EML6: variants seen among roughly 807,000 people sequenced by gnomAD.
The protein encoded by EML6 is EMAP like 6.
In EML6, 154 loss-of-function variants were observed where a neutral mutation model predicts 240.1. The ratio of observed to expected loss-of-function variants is 0.64; its 90% CI spans 0.56 to 0.73. The LOEUF (loss-of-function observed/expected upper bound fraction) is 0.73, where lower values mean the gene tolerates loss of function less well. Among genes scored for constraint, EML6 ranks in the 30% least tolerant of loss-of-function variants. The pLI, the probability that EML6 is intolerant of heterozygous loss-of-function variation, is 0.00. For missense variants in EML6, 2,964 were observed against 2,474.6 expected (o/e 1.20, Z -4.20); for synonymous variants, 1,148 against 899.0 (o/e 1.28, Z -4.95).
chr2:54,894,031 T>C (rs562642844), intron 19 of EML6, among the ~76,000 whole-genome samples: 2 of 152,292 alleles, frequency 1.3e-5, no homozygotes, highest in South Asian at 2.1e-4. Context: ...CAATATAATA[T>C]ATTGCATTTT....
intron 16 of EML6, among the ~76,000 whole-genome samples, chr2:54,876,878 T>C (rs776731100): frequency 3.3e-5 from 5 of 152,174 alleles, no homozygotes; most frequent in East Asian, 1.9e-4. Context: ...TTTTGAAATA[T>C]ACACTACATT....
chr2:54,819,680 G>C (rs1019113387), intron 4 of EML6, among the ~76,000 whole-genome samples: 2 of 151,126 alleles, frequency 1.3e-5, no homozygotes, highest in African/African-American at 4.9e-5. Flanking sequence ...GGAGGCTGAG[G>C]CAGGAGAATT....
intron 7 of EML6, among the ~76,000 whole-genome samples, chr2:54,840,667 C>CA (rs1402744917): frequency 6.6e-6 from 1 of 152,144 alleles, no homozygotes; most frequent in African/African-American, 2.4e-5. Flanking sequence ...TCCAAGGACT[C>CA]AAATATTTGA....
intron 2 of EML6, among the ~76,000 whole-genome samples, chr2:54,785,584 A>T (rs114677565): frequency 0.036 from 5,500 of 152,276 alleles, 138 homozygotes; most frequent in Admixed American, 0.08. Context: ...TGCAGTTATG[A>T]TTTAATACTG....
At chr2:54,777,928 A>G (rs961667870) in intron 2 of EML6, among the ~76,000 whole-genome samples, 10 of 152,262 alleles carry the variant, frequency 6.6e-5, no homozygotes, top group African/African-American at 2.4e-4. Context: ...GAATATTTAC[A>G]TATGAAAAAA....
chr2:54,735,214 C>T (rs1163739410), intron 2 of EML6, among the ~76,000 whole-genome samples: 5 of 152,252 alleles, frequency 3.3e-5, no homozygotes, highest in Admixed American at 2.6e-4. Context: ...CTACCATGCA[C>T]GTTCCTCCCT....
intron 25 of EML6, among the ~76,000 whole-genome samples, chr2:54,914,230 A>G (rs886198376): frequency 8.5e-5 from 13 of 152,200 alleles, no homozygotes; most frequent in African/African-American, 2.4e-4. Context: ...GGTTTTACAG[A>G]TAAGGAAACT....
At chr2:54,965,302 C>G (rs1330058882) in intron 38 of EML6, among the ~76,000 whole-genome samples, 1 of 152,190 alleles carries the variant, frequency 6.6e-6, no homozygotes, top group African/African-American at 2.4e-5. Context: ...GCTGGATATT[C>G]ACTGTAAAAG....
chr2:54,950,507 A>G (rs1573203922), intron 29 of EML6, 143 bp from the exon 30 acceptor site: 2 of 890,904 alleles, frequency 2.2e-6, no homozygotes, highest in East Asian at 5.9e-5. Context: ...GTCAAGAAGC[A>G]AAATGTTTTC....
At chr2:54,906,637 G>A (rs1013017781) in intron 24 of EML6, among the ~76,000 whole-genome samples, 3 of 152,180 alleles carry the variant, frequency 2.0e-5, no homozygotes, top group African/African-American at 7.2e-5. Context: ...AGTGCTTTCT[G>A]TGGATTGAGA....
chr2:54,751,626 C>T (rs922795487), intron 2 of EML6, among the ~76,000 whole-genome samples: 1 of 152,144 alleles, frequency 6.6e-6, no homozygotes, highest in Admixed American at 6.5e-5. Context: ...AAACTTTAGA[C>T]AGATTTTTAA....
chr2:54,938,400 G>A (rs7590265), intron 28 of EML6, among the ~76,000 whole-genome samples: 48,578 of 151,988 alleles, frequency 0.32, 8,097 homozygotes, highest in Non-Finnish European at 0.34. Flanking sequence ...ATTTTTAGGC[G>A]GCACTGTTAG....
chr2:54,894,944 C>T lies in EML6; in HGVS notation c.2772C>T (p.Ile924=), dbSNP rs550151187. ...TTGTAACAGGTGGAAAGGACGGCATCGTGGAGCTCTGGGATGATATGTTTG... is the reference window on the plus strand; with the variant it reads ...TTGTAACAGGTGGAAAGGACGGCATTGTGGAGCTCTGGGATGATATGTTTG... ...KGFVTGGKDG[I]VELWDDMFER... is the part of the protein sequence containing the mutation. The change falls in exon 20 of 42, where the codon ATC becomes ATT. Residue 924 remains isoleucine (I), a synonymous_variant. Coordinates refer to ENST00000356458, the MANE Select transcript of EML6 (RefSeq NM_001039753.4). 4.9e-5 allele frequency: 76 copies of T among 1,551,100 alleles called. No homozygotes were observed. The highest frequency in any genetic ancestry group is 1.7e-4 in the Middle Eastern group (1 of 6,014).
intron 5 of EML6, among the ~76,000 whole-genome samples, chr2:54,822,573 G>A (rs1338224906): frequency 2.0e-5 from 3 of 152,160 alleles, no homozygotes; most frequent in African/African-American, 4.8e-5. Flanking sequence ...ACAATCATAA[G>A]TTATGTTTTA....
At position 54,774,025 on chromosome 2, in the gene EML6, C is replaced by T. The variant is rs1471532679; in HGVS notation, c.198-39207C>T. 1.3e-5 allele frequency among the ~76,000 whole-genome samples: 2 copies of T among 152,282 alleles called. No homozygotes were observed. The highest frequency in any genetic ancestry group is 3.9e-4 in the East Asian group (2 of 5,188). Reference sequence around the variant, plus strand: ...GCCTTCATGTCTGCATTCCAGCCAGCAGGAGGAGAAAGAGGGGCACTGCTA... The same window carrying T: ...GCCTTCATGTCTGCATTCCAGCCAGTAGGAGGAGAAAGAGGGGCACTGCTA... On this transcript the variant is annotated intron_variant, in intron 2 of 41. Coordinates refer to ENST00000356458, the MANE Select transcript of EML6 (RefSeq NM_001039753.4). This position sits in a 1 kb window ranked among gnomAD's most constrained non-coding sequence, Gnocchi z 4.1.
chr2:54,929,532 C>G (rs1674741681), intron 28 of EML6, among the ~76,000 whole-genome samples: 1 of 152,142 alleles, frequency 6.6e-6, no homozygotes, highest in African/African-American at 2.4e-5. Flanking sequence ...GTTGGCTGTT[C>G]ACATTGAGGT....
At chr2:54,885,549 C>T (rs773009080) in intron 17 of EML6, among the ~76,000 whole-genome samples, 3 of 152,072 alleles carry the variant, frequency 2.0e-5, no homozygotes, top group South Asian at 2.1e-4. Context: ...TCTTTTTCTC[C>T]CCTAATTGTT....
intron 2 of EML6, among the ~76,000 whole-genome samples, chr2:54,785,236 C>T (rs1052115074): frequency 4.8e-5 from 7 of 145,540 alleles, no homozygotes; most frequent in South Asian, 2.2e-4. Flanking sequence ...AGTGCAGTGG[C>T]GCAATCTCGG....
At position 54,970,527 on chromosome 2, in the gene EML6, GAACAA is replaced by G. The variant is rs2104568836; in HGVS notation, c.*433_*437del. The G allele has an allele frequency of 5.8e-6, 1 of 172,532 alleles. No individual in the cohort carries two copies. The highest frequency in any genetic ancestry group is 1.5e-4 in the East Asian group (1 of 6,876). 10.7% of individuals were successfully genotyped at this position (172,532 alleles called of 1,614,324 possible). ...GAATGTTCATTTTTACAAATAAGTT[GAACAA>G]GACAGCCTAAGTTAGATGCACCGAA... is the stretch of plus-strand genomic sequence containing the variant. On this transcript the variant is annotated 3_prime_UTR_variant, in exon 42 of 42. Transcript: ENST00000356458.
Sources: gnomAD v4.1 joint callset for allele counts (sites outside exome capture counted in the v4.1 genomes callset) on GRCh38, gnomAD v4.1.1 for gene constraint, Gnocchi (gnomAD v3.1) non-coding constraint, MANE v1.5 for transcripts, NCBI Gene and HGNC (gene_info 2026-07-23, HGNC 2026-07-21) for gene names.